The following NCOR1 variants were observed in gnomAD, a reference collection of about 807,000 sequenced individuals.
NCOR1 encodes the protein nuclear receptor corepressor 1.
Under a neutral mutation model 288.1 loss-of-function variants are expected in NCOR1, and 63 were observed. The ratio of observed to expected loss-of-function variants is 0.22; its 90% confidence interval spans 0.18 to 0.27. The LOEUF is 0.27. NCOR1 is among the 10% of genes least tolerant of loss of function. NCOR1 has a pLI of 1.00. For synonymous variants in NCOR1, 1,007 were observed against 1,065.9 expected (o/e 0.94, Z 1.08); for missense variants, 2,397 against 3,019.2 (o/e 0.79, Z 4.83).
intron 20 of NCOR1, 58 bp from the exon 21 acceptor site, chr17:16,098,554 AATCACT>A: frequency 6.7e-7 from 1 of 1,482,152 alleles, no homozygotes; most frequent in East Asian, 2.4e-5. Context: ...TCAAACATAT[AATCACT>A]ATAAGTTCTT....
At chr17:16,187,774 T>C (rs374506527) in intron 2 of NCOR1, among the ~76,000 whole-genome samples, 5 of 151,700 alleles carry the variant, frequency 3.3e-5, no homozygotes, top group African/African-American at 1.2e-4. Flanking sequence ...CCGGGCATTG[T>C]GGCACGTCCC....
chr17:16,192,580 C>T (rs1347751388), intron 2 of NCOR1, among the ~76,000 whole-genome samples: 1 of 152,024 alleles, frequency 6.6e-6, no homozygotes, highest in Non-Finnish European at 1.5e-5. Flanking sequence ...TGCTTGAACC[C>T]AGGAGGCAGA....
In NCOR1 at chr17:16,139,262, A is replaced by C. The variant is rs561765604; in HGVS notation, c.1174-76T>G. 1.8e-5 allele frequency: 22 copies of C among 1,227,414 alleles called. No individual in the cohort carries two copies. The African/African-American group carries it at 2.9e-4, about 16-fold the overall frequency. The allele number at this position is 1,227,414 out of a possible 1,614,324, so 76.0% of individuals were successfully genotyped here. ...AGGAGGGCCATGGACCAATGCTCTT[A>C]ATGTGCACTAAAAAACCATGTATGC... On this transcript the variant is annotated intron_variant, in intron 11 of 45. Coordinates refer to ENST00000268712, the MANE Select transcript of NCOR1 (RefSeq NM_006311.4).
chr17:16,152,026 T>C (rs757765114), intron 7 of NCOR1, 28 bp from the exon 8 acceptor site: 6 of 1,450,574 alleles, frequency 4.1e-6, no homozygotes, highest in African/African-American at 1.4e-5. Context: ...TATTTATGTA[T>C]AAAATGTTGT....
At chr17:16,191,830 C>T (rs1381005342) in intron 2 of NCOR1, 1 of 152,060 alleles carries the variant, frequency 6.6e-6, no homozygotes, top group Non-Finnish European at 1.5e-5. Flanking sequence ...AAAAGCACAA[C>T]AGCCAGGCGT....
At chr17:16,106,753 G>A (rs745682623) in intron 19 of NCOR1, among the ~76,000 whole-genome samples, 32 of 150,686 alleles carry the variant, frequency 2.1e-4, no homozygotes, top group Non-Finnish European at 3.7e-4. Context: ...TCAACAGGAA[G>A]AGAGAGCCTA....
At chr17:16,211,416 T>C (rs2153622421) in intron 1 of NCOR1, among the ~76,000 whole-genome samples, 1 of 152,108 alleles carries the variant, frequency 6.6e-6, no homozygotes, top group East Asian at 1.9e-4. Flanking sequence ...AATTTTTTTG[T>C]AGAGATGGGA....
chr17:16,068,123 TG>T lies in NCOR1; in HGVS notation c.4514-3del. On this transcript the variant is annotated splice_polypyrimidine_tract_variant and splice_region_variant and intron_variant, in intron 31 of 45. Coordinates refer to ENST00000268712, the MANE Select transcript of NCOR1 (RefSeq NM_006311.4). The stretch of plus-strand genomic sequence containing the variant: ...TAGACTTGTTAGAAGAAATTGTAAC[TG>T]GAAAAAAAGAGCCAATGCCACAAGT... The T allele has an allele frequency of 1.9e-6, 3 of 1,599,510 alleles. No homozygotes were observed. The highest frequency in any genetic ancestry group is 2.6e-6 in the Non-Finnish European group (3 of 1,171,162).
At chr17:16,119,300 GTCC>G in intron 17 of NCOR1, 120 bp downstream of exon 17, 1 of 641,740 alleles carries the variant, frequency 1.6e-6, no homozygotes, top group South Asian at 2.3e-5. Flanking sequence ...TCACTTCTGA[GTCC>G]TCTTTGCCTT....
intron 18 of NCOR1, among the ~76,000 whole-genome samples, chr17:16,116,087 G>A (rs1348955592): frequency 6.6e-6 from 1 of 152,192 alleles, no homozygotes; most frequent in Admixed American, 6.5e-5. Flanking sequence ...CAAAAAAAGA[G>A]AGCTTGTGCG....
At chr17:16,067,686 T>C (rs1173812514) in intron 32 of NCOR1, among the ~76,000 whole-genome samples, 2 of 152,244 alleles carry the variant, frequency 1.3e-5, no homozygotes, top group South Asian at 4.1e-4. Context: ...TCATATACTA[T>C]TCTTTTTAGT....
chr17:16,121,398 A>C (rs935749741), intron 15 of NCOR1, 129 bp from the exon 16 acceptor site: 10 of 725,302 alleles, frequency 1.4e-5, no homozygotes, highest in Non-Finnish European at 2.1e-5. Context: ...AAAAAAAAAA[A>C]ATTATCAACA....
chr17:16,062,848 C>T (rs967165625), intron 35 of NCOR1, among the ~76,000 whole-genome samples: 1 of 152,200 alleles, frequency 6.6e-6, no homozygotes, highest in Non-Finnish European at 1.5e-5. Context: ...ACTTGGCTCC[C>T]ACAATTACAC....
Position 16,136,806 on chromosome 17 carries a change from CAAAAAAAA to C in NCOR1, c.1509+497_1509+504del, listed in dbSNP as rs60523446. Among the ~76,000 whole-genome samples, 193 of 111,792 alleles carry C rather than the reference CAAAAAAAA, an allele frequency of 1.7e-3. 3 individuals carry two copies. Among genetic ancestry groups the C allele is most frequent in the South Asian group, 0.012 (39 of 3,230 alleles). The allele number at this position is 111,792 out of a possible 152,430, so 73.3% of individuals were successfully genotyped here. On this transcript the variant is annotated intron_variant, in intron 14 of 45. Transcript: ENST00000268712. Reference sequence around the variant, plus strand: ...TGGGCGACAGAGCGAGACTCTGTTTCAAAAAAAAAAAAAAAAAAAAAAGAAAGAAAGAA... The same window carrying C: ...TGGGCGACAGAGCGAGACTCTGTTTCAAAAAAAAAAAAAAGAAAGAAAGAA...
chr17:16,072,015 A>T (rs780721271), intron 29 of NCOR1, 130 bp downstream of exon 29: 4 of 708,202 alleles, frequency 5.6e-6, no homozygotes, highest in Non-Finnish European at 6.8e-6. Context: ...GCAGAAAAGT[A>T]ATAACCAAGA....
At chr17:16,210,070 C>T (rs183137136) in intron 1 of NCOR1, among the ~76,000 whole-genome samples, 2 of 151,744 alleles carry the variant, frequency 1.3e-5, no homozygotes, top group East Asian at 2.0e-4. Context: ...CAAGCAACAG[C>T]TAATTTTATA....
At chr17:16,051,124 C>A (rs996032657) in intron 40 of NCOR1, among the ~76,000 whole-genome samples, 4 of 152,222 alleles carry the variant, frequency 2.6e-5, no homozygotes, top group African/African-American at 7.2e-5. Flanking sequence ...CAGGTGTCAG[C>A]CACTGTGCTG....
intron 14 of NCOR1, among the ~76,000 whole-genome samples, chr17:16,126,568 T>A (rs778015997): frequency 6.6e-6 from 1 of 152,206 alleles, no homozygotes; most frequent in Non-Finnish European, 1.5e-5. Flanking sequence ...TAATTTATCA[T>A]GTTTTAGATA....
At chr17:16,072,321 T>A in intron 28 of NCOR1, 93 bp from the exon 29 acceptor site, 3 of 913,096 alleles carry the variant, frequency 3.3e-6, no homozygotes, top group Non-Finnish European at 5.0e-6. Flanking sequence ...ATGTTTTTGA[T>A]AAATGCTCTA....
Sources: gnomAD v4.1 joint callset for allele counts (sites outside exome capture counted in the v4.1 genomes callset) on GRCh38, gnomAD v4.1.1 for gene constraint, MANE v1.5 for transcripts, NCBI Gene and HGNC (gene_info 2026-07-23, HGNC 2026-07-21) for gene names.